The following NTRK3 variants were observed in gnomAD, a reference collection of about 807,000 sequenced individuals.
NTRK3 encodes NT-3 growth factor receptor.
A neutral mutation model predicts 91.7 loss-of-function variants in NTRK3; 24 were observed. The ratio of observed to expected loss-of-function variants is 0.26; its 90% CI spans 0.19 to 0.37. NTRK3 has a LOEUF of 0.37. Ranked by LOEUF, NTRK3 falls within the 10% of genes least tolerant of loss-of-function variation. NTRK3 has a pLI of 1.00. For missense variants in NTRK3, 880 were observed against 1,068.9 expected, an observed-to-expected ratio of 0.82 and a Z score of 2.46; for synonymous variants, 483 against 404.0, an observed-to-expected ratio of 1.20 and a Z score of -2.34.
At chr15:88,251,325 G>A (rs1292313635) in intron 3 of NTRK3, among the ~76,000 whole-genome samples, 3 of 152,208 alleles carry the variant, frequency 2.0e-5, no homozygotes, top group Non-Finnish European at 2.9e-5. Flanking sequence ...AGTTCTCTGG[G>A]CCCTGAGATG....
intron 13 of NTRK3, among the ~76,000 whole-genome samples, chr15:88,105,293 G>T (rs181271752): frequency 6.6e-6 from 1 of 152,086 alleles, no homozygotes; most frequent in Admixed American, 6.5e-5. Flanking sequence ...TACATTTAAC[G>T]TGTCAGAGAT....
chr15:88,100,953 C>T (rs577031767), intron 13 of NTRK3, among the ~76,000 whole-genome samples: 14 of 152,228 alleles, frequency 9.2e-5, no homozygotes, highest in South Asian at 4.2e-4. Context: ...GACATAGGCA[C>T]GGGCAAGGAC....
intron 14 of NTRK3, among the ~76,000 whole-genome samples, chr15:88,027,573 G>A (rs566974769): frequency 5.3e-5 from 8 of 152,162 alleles, no homozygotes; most frequent in South Asian, 2.1e-4. Context: ...TAGTAGAGAC[G>A]GGGTTTCACC....
chr15:88,182,365 C>T (rs769744078), intron 5 of NTRK3, among the ~76,000 whole-genome samples: 43 of 152,208 alleles, frequency 2.8e-4, no homozygotes, highest in Non-Finnish European at 5.0e-4. Context: ...TCCCCACCTT[C>T]CCTACCCTCC....
At chr15:88,154,785 T>C (rs1204691373) in intron 5 of NTRK3, among the ~76,000 whole-genome samples, 3 of 152,306 alleles carry the variant, frequency 2.0e-5, no homozygotes, top group Middle Eastern at 6.8e-3. Flanking sequence ...AAAGATCATA[T>C]TGCTTGAAAA....
intron 5 of NTRK3, among the ~76,000 whole-genome samples, chr15:88,173,610 A>T (rs1441892559): frequency 6.6e-6 from 1 of 152,210 alleles, no homozygotes; most frequent in Non-Finnish European, 1.5e-5. Context: ...AGACCCTGCT[A>T]GCAACCAGGT....
chr15:88,052,390 G>A (rs1364882846), intron 13 of NTRK3, among the ~76,000 whole-genome samples: 1 of 152,186 alleles, frequency 6.6e-6, no homozygotes, highest in Non-Finnish European at 1.5e-5. Context: ...GGCTAGAAAG[G>A]GGAAAAATTA....
At chr15:88,106,553 TAAGA>T (rs1460520969) in intron 13 of NTRK3, among the ~76,000 whole-genome samples, 1 of 152,130 alleles carries the variant, frequency 6.6e-6, no homozygotes, top group African/African-American at 2.4e-5. Flanking sequence ...GAAGGATGCT[TAAGA>T]AAGAGTGTTG....
chr15:88,088,637 G>T (rs1397159227), intron 13 of NTRK3, among the ~76,000 whole-genome samples: 1 of 152,154 alleles, frequency 6.6e-6, no homozygotes, highest in Non-Finnish European at 1.5e-5. Flanking sequence ...AAGTAATATG[G>T]TAATAATAAT....
At chr15:87,979,565 C>T (rs913984134) in intron 14 of NTRK3, 4 of 763,610 alleles carry the variant, frequency 5.2e-6, no homozygotes, top group Non-Finnish European at 8.8e-6. Flanking sequence ...AGAGAGGGAG[C>T]TTGAAAGGGG....
At chr15:87,980,371 G>C (rs541606777) in intron 14 of NTRK3, among the ~76,000 whole-genome samples, 1 of 138,110 alleles carries the variant, frequency 7.2e-6, no homozygotes, top group Non-Finnish European at 1.6e-5. Context: ...GTGTTTCCAT[G>C]TGTGTATCTG....
intron 14 of NTRK3, among the ~76,000 whole-genome samples, chr15:88,023,817 C>G (rs886422361): frequency 6.6e-6 from 1 of 152,206 alleles, no homozygotes; most frequent in African/African-American, 2.4e-5. Context: ...TCCCGGACTT[C>G]TTCTAGAGAA....
At chr15:88,171,900 C>A (rs79143605) in intron 5 of NTRK3, among the ~76,000 whole-genome samples, 1,604 of 152,372 alleles carry the variant, frequency 0.011, 34 homozygotes, top group African/African-American at 0.037. Context: ...CTAGTCTTTG[C>A]CCCCATGGGG....
chr15:88,045,876 C>T (rs1037178548), intron 13 of NTRK3, among the ~76,000 whole-genome samples: 4 of 152,234 alleles, frequency 2.6e-5, no homozygotes, highest in Admixed American at 6.5e-5. Context: ...ATAAGGCCCT[C>T]AGTCAAATTA....
intron 14 of NTRK3, among the ~76,000 whole-genome samples, chr15:88,004,431 A>G (rs758349355): frequency 4.6e-5 from 7 of 152,234 alleles, no homozygotes; most frequent in Non-Finnish European, 1.0e-4. Context: ...TTTTTCATCA[A>G]TGGAAAATCC....
intron 14 of NTRK3, among the ~76,000 whole-genome samples, chr15:87,963,151 G>A (rs537770537): frequency 1.3e-5 from 2 of 150,712 alleles, no homozygotes; most frequent in South Asian, 2.1e-4. Flanking sequence ...TACCTGCTTG[G>A]GGGAATCCAC....
intron 3 of NTRK3, among the ~76,000 whole-genome samples, chr15:88,220,800 C>A (rs922639539): frequency 8.5e-5 from 13 of 152,182 alleles, no homozygotes; most frequent in African/African-American, 3.1e-4. Flanking sequence ...CCCATTCCCA[C>A]CCCACAGTCA....
chr15:88,159,919 G>A (rs1256746937), intron 5 of NTRK3, among the ~76,000 whole-genome samples: 3 of 132,870 alleles, frequency 2.3e-5, no homozygotes, highest in Non-Finnish European at 4.7e-5. Flanking sequence ...ATGAATCTGT[G>A]CCTCCCCACC....
chr15:88,219,094 G>A (rs2050033686), intron 3 of NTRK3, among the ~76,000 whole-genome samples: 1 of 152,234 alleles, frequency 6.6e-6, no homozygotes, highest in African/African-American at 2.4e-5. Context: ...CAATCTGCAC[G>A]CATGAAGGAA....
Sources: gnomAD v4.1 joint callset for allele counts (sites outside exome capture counted in the v4.1 genomes callset) on GRCh38, gnomAD v4.1.1 for gene constraint, MANE v1.5 for transcripts, NCBI Gene and HGNC (gene_info 2026-07-23, HGNC 2026-07-21) for gene names.